Variants in PSPC1 observed in about 807,000 individuals in gnomAD.
The protein encoded by PSPC1 is paraspeckle component 1, also known as paraspeckle protein 1.
PSPC1 carries 14 observed loss-of-function variants against 51.6 expected under a neutral mutation model. That is an observed-to-expected ratio of 0.27 (90% confidence interval 0.18 to 0.42). The LOEUF (loss-of-function observed/expected upper bound fraction) is 0.42, where lower values mean the gene tolerates loss of function less well. Among genes scored for constraint, PSPC1 ranks in the 10% least tolerant of loss-of-function variants. PSPC1 has a pLI of 1.00. For missense variants in PSPC1, 406 were observed against 701.1 expected (o/e 0.58, Z 4.75); for synonymous variants, 193 against 231.9 (o/e 0.83, Z 1.53).
chr13:19,686,407 A>G (rs1394586045), intron 6 of PSPC1, among the ~76,000 whole-genome samples: 1 of 152,214 alleles, frequency 6.6e-6, no homozygotes, highest in Non-Finnish European at 1.5e-5. Context: ...CAGGGGGTCA[A>G]TTAGGAAAAG....
chr13:19,710,979 A>T (rs1881331299), intron 6 of PSPC1, among the ~76,000 whole-genome samples: 1 of 151,962 alleles, frequency 6.6e-6, no homozygotes, highest in Admixed American at 6.6e-5. Flanking sequence ...ATGGGATGAC[A>T]AGCATGCACC....
chr13:19,769,463 G>A (rs549606009), intron 2 of PSPC1, among the ~76,000 whole-genome samples: 4 of 152,350 alleles, frequency 2.6e-5, no homozygotes, highest in African/African-American at 9.6e-5. Flanking sequence ...GCTGAGGCAG[G>A]AGAATGGTGA....
intron 1 of PSPC1, among the ~76,000 whole-genome samples, chr13:19,777,620 T>G (rs1468409990): frequency 6.6e-6 from 1 of 152,084 alleles, no homozygotes; most frequent in Non-Finnish European, 1.5e-5. Flanking sequence ...ACCCTTCTCT[T>G]GAAGCCACTT....
chr13:19,704,854 A>G (rs1225468531), intron 8 of PSPC1, among the ~76,000 whole-genome samples: 2 of 152,226 alleles, frequency 1.3e-5, no homozygotes, highest in Non-Finnish European at 2.9e-5. Flanking sequence ...AATATAATTT[A>G]AAATTCTGTG....
At chr13:19,703,972 T>C (rs1300267653) in intron 8 of PSPC1, among the ~76,000 whole-genome samples, 8 of 152,208 alleles carry the variant, frequency 5.3e-5, no homozygotes, top group Admixed American at 4.6e-4. Context: ...CATTTAAACA[T>C]CTGAATTAAG....
chr13:19,679,782 G>A (rs749834698), intron 6 of PSPC1, among the ~76,000 whole-genome samples: 1 of 152,154 alleles, frequency 6.6e-6, no homozygotes, highest in African/African-American at 2.4e-5. Flanking sequence ...AACTGTTTAT[G>A]CCTTTGGTAC....
intron 8 of PSPC1, among the ~76,000 whole-genome samples, chr13:19,704,000 C>T (rs1052709072): frequency 6.6e-6 from 1 of 152,172 alleles, no homozygotes; most frequent in Non-Finnish European, 1.5e-5. Context: ...AAAAACTTCA[C>T]AATAATCATA....
At chr13:19,745,588 C>T (rs1333037088) in intron 4 of PSPC1, among the ~76,000 whole-genome samples, 1 of 151,398 alleles carries the variant, frequency 6.6e-6, no homozygotes, top group Non-Finnish European at 1.5e-5. Context: ...TATTTTACCG[C>T]TGATCTGTCC....
intron 4 of PSPC1, among the ~76,000 whole-genome samples, chr13:19,742,260 C>CAAAAAAAAA (rs36104148): frequency 8.4e-6 from 1 of 119,144 alleles, no homozygotes; most frequent in Admixed American, 8.7e-5. Context: ...GACTCAATCT[C>CAAAAAAAAA]AAAAAAAAAA....
intron 6 of PSPC1, among the ~76,000 whole-genome samples, chr13:19,723,797 A>G (rs1883054019): frequency 6.6e-6 from 1 of 152,246 alleles, no homozygotes; most frequent in East Asian, 1.9e-4. Flanking sequence ...ATTGAGAAAA[A>G]TCCTTGGCTT....
Position 19,684,860 on chromosome 13 carries a change from T to C in PSPC1, c.1159-7037A>G, listed in dbSNP as rs141112144. On this transcript the variant is annotated intron_variant and NMD_transcript_variant, in intron 6 of 7. Coordinates refer to the PSPC1 transcript ENST00000471658. The stretch of plus-strand genomic sequence containing the variant: ...ACTTCTGAATTAGAAGTGTATCCAG[T>C]AACTGTATTTACATGAAAATACATT... 1.1e-4 allele frequency among the ~76,000 whole-genome samples: 16 copies of C among 152,366 alleles called. No homozygotes were observed. The East Asian group carries it at 3.1e-3, about 29-fold the overall frequency.
At chr13:19,767,225 G>A (rs1300581059) in intron 2 of PSPC1, among the ~76,000 whole-genome samples, 2 of 152,066 alleles carry the variant, frequency 1.3e-5, no homozygotes, top group Non-Finnish European at 2.9e-5. Flanking sequence ...TGAAGAAAGA[G>A]CATTCTCTAA....
chr13:19,741,350 T>C (rs1383408330), intron 5 of PSPC1, among the ~76,000 whole-genome samples: 1 of 152,216 alleles, frequency 6.6e-6, no homozygotes, highest in African/African-American at 2.4e-5. Flanking sequence ...AAAACCCTTG[T>C]TTAACTTCAA....
At chr13:19,759,976 T>C (rs1887458995) in intron 2 of PSPC1, among the ~76,000 whole-genome samples, 1 of 152,134 alleles carries the variant, frequency 6.6e-6, no homozygotes, top group Admixed American at 6.6e-5. Flanking sequence ...ATAACGGTTA[T>C]AGTTAACATT....
intron 6 of PSPC1, among the ~76,000 whole-genome samples, chr13:19,716,418 G>A (rs1467280065): frequency 6.6e-6 from 1 of 152,186 alleles, no homozygotes; most frequent in Non-Finnish European, 1.5e-5. Context: ...AATGATCAAT[G>A]ACGAGAGGTA....
chr13:19,698,628 T>G (rs1043236431), downstream of PSPC1, among the ~76,000 whole-genome samples: 1 of 151,848 alleles, frequency 6.6e-6, no homozygotes, highest in Admixed American at 6.6e-5. Context: ...GAACTGAAAT[T>G]TTATTTATGT....
At chr13:19,693,123 G>A (rs189889362) in intron 6 of PSPC1, among the ~76,000 whole-genome samples, 43 of 151,990 alleles carry the variant, frequency 2.8e-4, no homozygotes, top group Middle Eastern at 3.2e-3. Context: ...CCCCTTAGAC[G>A]GCTTAGTGCC....
chr13:19,736,820 A>T (rs994679051), intron 5 of PSPC1, among the ~76,000 whole-genome samples: 3 of 152,222 alleles, frequency 2.0e-5, no homozygotes, highest in African/African-American at 7.2e-5. Flanking sequence ...TAACCATAGT[A>T]CAAAATTATG....
At chr13:19,713,440 G>A (rs560846742) in intron 6 of PSPC1, among the ~76,000 whole-genome samples, 1 of 147,718 alleles carries the variant, frequency 6.8e-6, no homozygotes, top group Non-Finnish European at 1.5e-5. Flanking sequence ...AAGTGGCTGA[G>A]CTAACCTATA....
Sources: gnomAD v4.1 joint callset for allele counts (sites outside exome capture counted in the v4.1 genomes callset) on GRCh38, gnomAD v4.1.1 for gene constraint, MANE v1.5 for transcripts, NCBI Gene and HGNC (gene_info 2026-07-23, HGNC 2026-07-21) for gene names.